SEC61A2: variants seen among roughly 807,000 people sequenced by gnomAD.
The protein encoded by SEC61A2 is SEC61 translocon subunit alpha 2.
Under a neutral mutation model 59.9 loss-of-function variants are expected in SEC61A2, and 28 were observed. The observed-to-expected ratio is 0.47, with a 90% confidence interval of 0.35 to 0.64. The LOEUF is 0.64. Among genes scored for constraint, SEC61A2 ranks in the 30% least tolerant of loss-of-function variants. The pLI is 0.01. For missense variants in SEC61A2, 340 were observed against 585.9 expected, an observed-to-expected ratio of 0.58 and a Z score of 4.33; for synonymous variants, 202 against 214.4, an observed-to-expected ratio of 0.94 and a Z score of 0.50.
At chr10:12,167,896 AC>A, downstream of SEC61A2, 1 of 1,577,522 alleles carries the variant, frequency 6.3e-7, no homozygotes, top group Non-Finnish European at 8.6e-7. Context: ...CGCAGCAGGT[AC>A]TACTATATGT....
intron 6 of SEC61A2, among the ~76,000 whole-genome samples, chr10:12,150,188 C>T (rs1221788396): frequency 6.6e-6 from 1 of 152,134 alleles, no homozygotes; most frequent in Non-Finnish European, 1.5e-5. Context: ...ATTCTAATAG[C>T]TTCATAACTG....
intron 3 of SEC61A2, among the ~76,000 whole-genome samples, chr10:12,138,952 T>TTTTG (rs34420476): frequency 0.31 from 46,574 of 151,338 alleles, 7,434 homozygotes; most frequent in East Asian, 0.41. Context: ...GGTTGCCCCA[T>TTTTG]TTTGTTTGTT....
chr10:12,136,364 G>A (rs933854431), intron 3 of SEC61A2, among the ~76,000 whole-genome samples, 194 bp downstream of exon 3: 1 of 152,104 alleles, frequency 6.6e-6, no homozygotes, highest in African/African-American at 2.4e-5. Context: ...GCTGGATGCA[G>A]GGGCATGATC....
At chr10:12,134,492 C>G (rs887759179) in intron 2 of SEC61A2, among the ~76,000 whole-genome samples, 3 of 152,170 alleles carry the variant, frequency 2.0e-5, no homozygotes, top group African/African-American at 7.2e-5. Flanking sequence ...GCTTTGGCTC[C>G]TTTTCAGTTT....
At chr10:12,139,878 A>G (rs980061741) in intron 3 of SEC61A2, among the ~76,000 whole-genome samples, 50 of 151,402 alleles carry the variant, frequency 3.3e-4, no homozygotes, top group African/African-American at 1.2e-3. Context: ...CTGAGGCAGG[A>G]GAATGGCGTG....
chr10:12,163,762 T>C (rs1056750802), intron 11 of SEC61A2, among the ~76,000 whole-genome samples: 1 of 152,176 alleles, frequency 6.6e-6, no homozygotes, highest in African/African-American at 2.4e-5. Flanking sequence ...CCAGCTCCAG[T>C]TGTCACCATC....
Position 12,164,881 on chromosome 10 carries a change from T to C in SEC61A2, c.*427T>C. The C allele has an allele frequency of 1.0e-6, 1 of 974,204 alleles. No individual in the cohort carries two copies. Among genetic ancestry groups the C allele is most frequent in the Non-Finnish European group, 1.2e-6 (1 of 819,238 alleles). The allele number at this position is 974,204 out of a possible 1,614,324, so 60.3% of individuals were successfully genotyped here. A position where few individuals can be genotyped will look rare whatever the true frequency, so the allele number is the denominator to read the frequency against. ...TGAGTTCTGGAACATTTATATCTAA[T>C]CTATATTTTAGATAATTACTTTTTA... On this transcript the variant is annotated 3_prime_UTR_variant, in exon 12 of 12. Transcript: ENST00000298428. This position sits in a 1 kb window ranked among gnomAD's most constrained non-coding sequence, Gnocchi z 7.3.
Position 12,155,372 on chromosome 10 carries a change from AC to A in SEC61A2, c.463-404del. 6.4e-7 allele frequency: 1 copy of A among 1,561,256 alleles called. No homozygotes were observed. Among genetic ancestry groups the A allele is most frequent in the Admixed American group, 1.9e-5 (1 of 51,702 alleles). The stretch of plus-strand genomic sequence containing the variant: ...GTGTACATTTCCATCTTGCTATTAT[AC>A]CAGAATTCATCTGACTTTTTACTTC... On this transcript the variant is annotated intron_variant, in intron 6 of 11. Transcript: ENST00000298428. This position sits in a 1 kb window ranked among gnomAD's most constrained non-coding sequence, Gnocchi z 4.3.
chr10:12,157,878 C>T, intron 8 of SEC61A2, 30 bp from the exon 9 acceptor site: 7 of 1,601,076 alleles, frequency 4.4e-6, no homozygotes, highest in Non-Finnish European at 6.0e-6. Flanking sequence ...GTGTCTGGCT[C>T]CCCCACTTAC....
chr10:12,129,671 G>A, upstream of SEC61A2: 3 of 1,036,304 alleles, frequency 2.9e-6, no homozygotes, highest in African/African-American at 3.3e-5. The surrounding 1 kb of genome is among the most constrained non-coding windows in gnomAD (Gnocchi z 5.6). Flanking sequence ...GTTGGGCGGA[G>A]CCTGCGCGGG....
Position 12,155,388 on chromosome 10 carries a change from CT to C in SEC61A2, c.463-385del. 2 of 1,523,342 alleles carry C rather than the reference CT, an allele frequency of 1.3e-6. No individual in the cohort carries two copies. The highest frequency in any genetic ancestry group is 2.5e-5 in the South Asian group (2 of 79,742). 94.4% of individuals were successfully genotyped at this position (1,523,342 alleles called of 1,614,324 possible). ...TGCTATTATACCAGAATTCATCTGA[CT>C]TTTTACTTCCTTGGAGGTATTTGGG... On this transcript the variant is annotated intron_variant, in intron 6 of 11. Transcript: ENST00000298428. The surrounding 1 kb of genome is among the most constrained non-coding windows in gnomAD (Gnocchi z 4.3).
chr10:12,153,758 A>G lies in SEC61A2; in HGVS notation c.463-2020A>G, dbSNP rs764456232. The G allele has an allele frequency of 1.2e-6, 2 of 1,611,172 alleles. No homozygotes were observed. The highest frequency in any genetic ancestry group is 2.7e-5 in the African/African-American group (2 of 74,880). On this transcript the variant is annotated intron_variant, in intron 6 of 11. Coordinates refer to ENST00000298428, the MANE Select transcript of SEC61A2 (RefSeq NM_018144.4). This position sits in a 1 kb window ranked among gnomAD's most constrained non-coding sequence, Gnocchi z 5.2. Reference sequence around the variant, plus strand: ...TCAAGGCGTTACTAACATTGAAAATATGTGGATACACTGAAGAGCTATGAT... The same window carrying G: ...TCAAGGCGTTACTAACATTGAAAATGTGTGGATACACTGAAGAGCTATGAT...
At position 12,164,579 on chromosome 10, in the gene SEC61A2, C is replaced by A; in HGVS notation, c.*125C>A. On this transcript the variant is annotated 3_prime_UTR_variant, in exon 12 of 12. Transcript: ENST00000298428. This position sits in a 1 kb window ranked among gnomAD's most constrained non-coding sequence, Gnocchi z 7.3. ...TTTCTTGTTTCGAGTGCTGACTGAC[C>A]CGTTTCTGAAATGGGCACCGAGCTA... The A allele has an allele frequency of 6.8e-7, 1 of 1,469,948 alleles. No individual in the cohort carries two copies. Among genetic ancestry groups the A allele is most frequent in the Non-Finnish European group, 9.0e-7 (1 of 1,116,524 alleles). 91.1% of individuals were successfully genotyped at this position (1,469,948 alleles called of 1,614,324 possible). A position where few individuals can be genotyped will look rare whatever the true frequency, so the allele number is the denominator to read the frequency against.
chr10:12,142,454 G>C lies in SEC61A2; in HGVS notation c.142-663G>C. 1.3e-6 allele frequency: 1 copy of C among 788,552 alleles called. No homozygotes were observed. Among genetic ancestry groups the C allele is most frequent in the Non-Finnish European group, 1.5e-6 (1 of 650,354 alleles). The allele number at this position is 788,552 out of a possible 1,614,324, so 48.8% of individuals were successfully genotyped here. A position where few individuals can be genotyped will look rare whatever the true frequency, so the allele number is the denominator to read the frequency against. On this transcript the variant is annotated intron_variant, in intron 3 of 11. Coordinates refer to ENST00000298428, the MANE Select transcript of SEC61A2 (RefSeq NM_018144.4). This position sits in a 1 kb window ranked among gnomAD's most constrained non-coding sequence, Gnocchi z 5.4. ...ACAGATTGAGTAAGCATAATTTTTAGTGGCCATGTAATATTCCATTGTGGA... is the reference window on the plus strand; with the variant it reads ...ACAGATTGAGTAAGCATAATTTTTACTGGCCATGTAATATTCCATTGTGGA...
Position 12,155,939 on chromosome 10 carries a change from G to A in SEC61A2, c.616+8G>A, listed in dbSNP as rs758592473. On this transcript the variant is annotated splice_region_variant and intron_variant, in intron 7 of 11. Coordinates refer to ENST00000298428, the MANE Select transcript of SEC61A2 (RefSeq NM_018144.4). This position sits in a 1 kb window ranked among gnomAD's most constrained non-coding sequence, Gnocchi z 4.3. ...CCATTAACACTGGCAGAGGTACATC[G>A]CACAGCGACTGCAACTGCACGCGTT... is the stretch of plus-strand genomic sequence containing the variant. The A allele has an allele frequency of 5.6e-6, 9 of 1,613,926 alleles. No individual in the cohort carries two copies. Among genetic ancestry groups the A allele is most frequent in the Admixed American group, 1.7e-5 (1 of 59,992 alleles).
At chr10:12,137,598 C>T (rs1293432116) in intron 3 of SEC61A2, among the ~76,000 whole-genome samples, 1 of 152,198 alleles carries the variant, frequency 6.6e-6, no homozygotes, top group Non-Finnish European at 1.5e-5. Context: ...AGCCACCACA[C>T]CCAGCCCAAT....
At chr10:12,134,220 G>A (rs1192908707) in intron 2 of SEC61A2, among the ~76,000 whole-genome samples, 3 of 152,116 alleles carry the variant, frequency 2.0e-5, no homozygotes, top group Non-Finnish European at 4.4e-5. Context: ...TGTTAGCCAG[G>A]ATGGTCTCGA....
rs138445013 is a variant in SEC61A2, at chr10:12,161,010, C to T, written c.1056C>T (p.Gly352=). Residue 352 remains glycine (G), a synonymous_variant, in exon 10 of 12, where the codon GGC becomes GGT. Transcript: ENST00000298428. The surrounding 1 kb of genome is among the most constrained non-coding windows in gnomAD (Gnocchi z 5.4). ...ATCTTTCTCCTCCTGAGTCCATGGG[C>T]GCCATCTTTGAGGATCCTGTCCATG... ...CYYLSPPESM[G]AIFEDPVHVV... 2.5e-4 allele frequency: 409 copies of T among 1,614,106 alleles called. 2 individuals carry two copies. The South Asian group carries it at 3.5e-3, about 14-fold the overall frequency.
intron 3 of SEC61A2, among the ~76,000 whole-genome samples, chr10:12,139,552 A>T (rs188870055): frequency 0.011 from 1,672 of 152,080 alleles, 31 homozygotes; most frequent in African/African-American, 0.038. Flanking sequence ...TGGGAGGCCA[A>T]CGCAGGCGGA....
Sources: allele counts gnomAD v4.1 joint callset (sites outside exome capture counted in the v4.1 genomes callset), GRCh38; gene constraint gnomAD v4.1.1; non-coding constraint Gnocchi (gnomAD v3.1); transcripts MANE v1.5; gene names NCBI Gene and HGNC (gene_info 2026-07-23, HGNC 2026-07-21).